Variants in RBFOX1 observed in about 807,000 individuals in gnomAD.
RBFOX1 encodes RNA binding fox-1 homolog 1, also known as RNA binding protein fox-1 homolog 1.
RBFOX1 carries 8 observed loss-of-function variants against 57.7 expected under a neutral mutation model. The ratio of observed to expected loss-of-function variants is 0.14; its 90% CI spans 0.08 to 0.25. The LOEUF (loss-of-function observed/expected upper bound fraction) is 0.25, where lower values mean the gene tolerates loss of function less well. RBFOX1 is among the 10% of genes least tolerant of loss of function. The pLI is 1.00. For missense variants in RBFOX1, 611 were observed against 548.5 expected (o/e 1.11, Z -1.14); for synonymous variants, 326 against 222.4 (o/e 1.47, Z -4.15).
chr16:5,390,450 G>C (rs902627931), intron 1 of RBFOX1, among the ~76,000 whole-genome samples: 2 of 151,752 alleles, frequency 1.3e-5, no homozygotes, highest in African/African-American at 4.8e-5. Context: ...GACTACACTC[G>C]GCTACTTTTT....
At chr16:7,364,756 G>A (rs566398382) in intron 4 of RBFOX1, among the ~76,000 whole-genome samples, 11 of 152,276 alleles carry the variant, frequency 7.2e-5, no homozygotes, top group African/African-American at 2.6e-4. Flanking sequence ...CTTGCTAGTT[G>A]TGTTCTCTCT....
intron 11 of RBFOX1, among the ~76,000 whole-genome samples, chr16:7,633,505 G>C (rs145080348): frequency 1.3e-5 from 2 of 152,054 alleles, no homozygotes; most frequent in African/African-American, 4.8e-5. Context: ...TAGGTTCATA[G>C]CAATTTTTTT....
chr16:5,381,300 T>A (rs1307556932), intron 1 of RBFOX1, among the ~76,000 whole-genome samples: 1 of 152,188 alleles, frequency 6.6e-6, no homozygotes, highest in African/African-American at 2.4e-5. Flanking sequence ...TCCTAGCAAA[T>A]CTCTCCGTAA....
At chr16:5,373,235 G>A (rs1258107287) in intron 1 of RBFOX1, among the ~76,000 whole-genome samples, 1 of 152,118 alleles carries the variant, frequency 6.6e-6, no homozygotes, top group Admixed American at 6.5e-5. Flanking sequence ...TTACTGGGTC[G>A]GAAAGATATG....
At chr16:7,111,637 G>A (rs1004592999) in intron 4 of RBFOX1, among the ~76,000 whole-genome samples, 2 of 152,104 alleles carry the variant, frequency 1.3e-5, no homozygotes, top group Non-Finnish European at 2.9e-5. Context: ...AAATTACTAA[G>A]TATTTGCTAG....
chr16:7,286,253 A>C (rs2095648542), intron 4 of RBFOX1, among the ~76,000 whole-genome samples: 1 of 152,166 alleles, frequency 6.6e-6, no homozygotes, highest in African/African-American at 2.4e-5. Context: ...ATTGTAAGAT[A>C]TGATTTTGGT....
At chr16:5,471,828 C>A (rs1024042211) in intron 2 of RBFOX1, among the ~76,000 whole-genome samples, 1 of 152,128 alleles carries the variant, frequency 6.6e-6, no homozygotes, top group African/African-American at 2.4e-5. Context: ...AAGGTCCTGG[C>A]GAGATGTGGC....
At chr16:5,445,527 C>T (rs1284551072) in intron 1 of RBFOX1, among the ~76,000 whole-genome samples, 1 of 152,208 alleles carries the variant, frequency 6.6e-6, no homozygotes, top group East Asian at 1.9e-4. Flanking sequence ...CAAGTCAATG[C>T]ACTCCTACTT....
chr16:7,110,216 C>G (rs1334478575), intron 4 of RBFOX1, among the ~76,000 whole-genome samples: 1 of 149,930 alleles, frequency 6.7e-6, no homozygotes, highest in African/African-American at 2.4e-5. Context: ...AAAAAATAGC[C>G]AGGTGTGGCA....
chr16:6,559,604 G>GTA (rs1407251175), intron 2 of RBFOX1, among the ~76,000 whole-genome samples: 18 of 144,776 alleles, frequency 1.2e-4, no homozygotes, highest in Admixed American at 3.7e-4. Flanking sequence ...GGGTGTATGT[G>GTA]TATATATATA....
In RBFOX1 at chr16:7,369,182, C is replaced by T. The variant is rs140669903; in HGVS notation, c.28-148965C>T. On this transcript the variant is annotated intron_variant, in intron 4 of 15. Transcript: ENST00000550418. ...CAGTCTGCTTAATATAGGAGATTGACTCCAAGTCTTGCCACCTTCCCCCAG... is the reference window on the plus strand; with the variant it reads ...CAGTCTGCTTAATATAGGAGATTGATTCCAAGTCTTGCCACCTTCCCCCAG... Among the ~76,000 whole-genome samples the T allele has an allele frequency of 1.2e-4, 19 of 152,158 alleles. No individual in the cohort carries two copies. In the East Asian group the frequency reaches 3.1e-3, roughly 25 times the overall value.
chr16:7,019,070 G>T (rs905403486), intron 3 of RBFOX1, among the ~76,000 whole-genome samples: 8 of 152,158 alleles, frequency 5.3e-5, no homozygotes, highest in East Asian at 3.8e-4. Flanking sequence ...AGAAGTGTGT[G>T]TGTGTGAGTG....
chr16:7,434,332 C>T (rs544367581), intron 4 of RBFOX1, among the ~76,000 whole-genome samples: 23 of 152,120 alleles, frequency 1.5e-4, no homozygotes, highest in Non-Finnish European at 2.8e-4. Flanking sequence ...ATTAGCTGGG[C>T]ACAGTGGCGG....
At chr16:5,760,273 G>C in intron 3 of RBFOX1, among the ~76,000 whole-genome samples, 1 of 151,894 alleles carries the variant, frequency 6.6e-6, no homozygotes, top group Non-Finnish European at 1.5e-5. Flanking sequence ...AGGCACTAGG[G>C]GTAAATTGGT....
At chr16:6,763,774 A>C (rs2076956645) in intron 3 of RBFOX1, among the ~76,000 whole-genome samples, 1 of 152,204 alleles carries the variant, frequency 6.6e-6, no homozygotes, top group Non-Finnish European at 1.5e-5. Flanking sequence ...CAAACATTAA[A>C]TGTTTAAATG....
At chr16:7,343,420 G>T (rs1163233785) in intron 4 of RBFOX1, among the ~76,000 whole-genome samples, 1 of 152,176 alleles carries the variant, frequency 6.6e-6, no homozygotes, top group Admixed American at 6.5e-5. Context: ...AATCTGACCA[G>T]CAGTGGGATT....
At chr16:5,956,813 G>A (rs1440235085) in intron 4 of RBFOX1, among the ~76,000 whole-genome samples, 1 of 150,230 alleles carries the variant, frequency 6.7e-6, no homozygotes, top group African/African-American at 2.5e-5. Context: ...GGGATTACAA[G>A]CATGCACCAC....
At chr16:6,391,867 C>G (rs8048501) in intron 2 of RBFOX1, among the ~76,000 whole-genome samples, 2 of 152,096 alleles carry the variant, frequency 1.3e-5, no homozygotes, top group Non-Finnish European at 2.9e-5. Flanking sequence ...ATATTGCACT[C>G]ATTACAGTGT....
chr16:5,875,614 C>T (rs1468735591), intron 4 of RBFOX1, among the ~76,000 whole-genome samples: 1 of 152,080 alleles, frequency 6.6e-6, no homozygotes, highest in South Asian at 2.1e-4. Flanking sequence ...TGCTTGGTGA[C>T]TCATTCTAAG....
Sources: allele counts gnomAD v4.1 joint callset (sites outside exome capture counted in the v4.1 genomes callset), GRCh38; gene constraint gnomAD v4.1.1; transcripts MANE v1.5; gene names NCBI Gene and HGNC (gene_info 2026-07-23, HGNC 2026-07-21).